THBS3: variants seen among roughly 807,000 people sequenced by gnomAD.
THBS3 encodes the protein thrombospondin 3.
A neutral mutation model predicts 118.3 loss-of-function variants in THBS3; 78 were observed. That is an observed-to-expected ratio of 0.66 (90% CI 0.55 to 0.80). The LOEUF (loss-of-function observed/expected upper bound fraction) is 0.80, where lower values mean the gene tolerates loss of function less well. THBS3 is among the 30% of genes least tolerant of loss of function. The pLI is 0.00. For missense variants in THBS3, 1,057 were observed against 1,247.4 expected (o/e 0.85, Z 2.30); for synonymous variants, 427 against 475.3 (o/e 0.90, Z 1.32).
rs1218360979 is a variant in THBS3, at chr1:155,197,937, G to A, written c.2254-9C>T. 1 of 1,614,130 alleles carries A rather than the reference G, an allele frequency of 6.2e-7. No individual in the cohort carries two copies. Among genetic ancestry groups the A allele is most frequent in the East Asian group, 2.2e-5 (1 of 44,890 alleles). On this transcript the variant is annotated splice_polypyrimidine_tract_variant and intron_variant, in intron 18 of 22. Coordinates refer to ENST00000368378, the MANE Select transcript of THBS3 (RefSeq NM_007112.5). This position sits in a 1 kb window ranked among gnomAD's most constrained non-coding sequence, Gnocchi z 5.0. ...TGAACGATTTCCATGCCCTGGGGTT[G>A]TATAGTAAAGAAAAAGCTGTGATGC... is the stretch of plus-strand genomic sequence containing the variant.
At chr1:155,208,767 C>A, upstream of THBS3, 1 of 1,448,080 alleles carries the variant, frequency 6.9e-7, no homozygotes, top group Non-Finnish European at 9.1e-7. Context: ...CGACAGGCGG[C>A]GCAGGGCCCG....
chr1:155,197,538 CAT>C lies in THBS3; in HGVS notation c.2422_2423del (p.Met808ValfsTer35). On this transcript the variant is annotated frameshift_variant, in exon 20 of 23. Coordinates refer to ENST00000368378, the MANE Select transcript of THBS3 (RefSeq NM_007112.5). LOFTEE classifies it high-confidence loss of function. This position sits in a 1 kb window ranked among gnomAD's most constrained non-coding sequence, Gnocchi z 5.0. ...AGTAGGTCTGCTCGGTCTGCTTCCA[CAT>C]GACTACGTAGAAGCGGCCACTGTCT... ...YQDSGRFYVV[M>X]WKQTEQTYWQ... is the part of the protein sequence containing the mutation. 6.2e-7 allele frequency: 1 copy of C among 1,614,106 alleles called. No individual in the cohort carries two copies. Among genetic ancestry groups the C allele is most frequent in the Non-Finnish European group, 8.5e-7 (1 of 1,180,030 alleles).
At chr1:155,198,690 C>T in intron 16 of THBS3, 88 bp from the exon 17 acceptor site, 1 of 1,377,234 alleles carries the variant, frequency 7.3e-7, no homozygotes. Flanking sequence ...CTGGAGCCTG[C>T]TCTCCATACA....
chr1:155,197,500 G>T lies in THBS3; in HGVS notation c.2462C>A (p.Pro821His). The T allele has an allele frequency of 1.2e-6, 2 of 1,614,014 alleles. No individual in the cohort carries two copies. The highest frequency in any genetic ancestry group is 4.5e-5 in the East Asian group (2 of 44,872). The change falls in exon 20 of 23, where the codon CCC (proline) becomes CAC (histidine). Residue 821 changes from proline (P) to histidine (H), a missense_variant. Physicochemically the swap from Pro to His is moderately conservative, Grantham distance 77 (BLOSUM62 -2). Around this residue, in one of 3 missense-constraint regions of THBS3, gnomAD observed 307 missense variants for 326.1 expected, o/e 0.94. Transcript: ENST00000368378. The surrounding 1 kb of genome is among the most constrained non-coding windows in gnomAD (Gnocchi z 5.0). ...QTEQTYWQAT[P>H]FRAVAQPGLQ... ...CCCGGGCTGGGCAACCGCCCGGAAGGGTGTAGCCTGCCAGTAGGTCTGCTC... is the reference window on the plus strand; with the variant it reads ...CCCGGGCTGGGCAACCGCCCGGAAGTGTGTAGCCTGCCAGTAGGTCTGCTC...
rs1670760579 is a variant in THBS3 at position 155,207,721 on chromosome 1, C to T, written c.79+77G>A. 17 of 1,484,858 alleles carry T rather than the reference C, an allele frequency of 1.1e-5. No individual in the cohort carries two copies. In the East Asian group the frequency reaches 3.6e-4, roughly 32 times the overall value. 92.0% of individuals were successfully genotyped at this position (1,484,858 alleles called of 1,614,324 possible). On this transcript the variant is annotated intron_variant, in intron 1 of 22. Coordinates refer to ENST00000368378, the MANE Select transcript of THBS3 (RefSeq NM_007112.5). ...GACTCTTCCCCTCTCCCCTTGCCCA[C>T]ATGTTCTCTGCTACTTGGGCTGAGG... is the stretch of plus-strand genomic sequence containing the variant.
Position 155,198,084 on chromosome 1 carries a change from C to T in THBS3, c.2211G>A (p.Glu737=). ...AGTTTGGGTCAATCTGAGCATCACC[C>T]TCAGGATCCAGGACGACGGTCTGAT... ...RAYQTVVLDP[E]GDAQIDPNWV... The change falls in exon 18 of 23, where the codon GAG becomes GAA. Residue 737 remains glutamate, a synonymous_variant. Coordinates refer to ENST00000368378, the MANE Select transcript of THBS3 (RefSeq NM_007112.5). 1 of 1,614,186 alleles carries T rather than the reference C, an allele frequency of 6.2e-7. No homozygotes were observed. The highest frequency in any genetic ancestry group is 8.5e-7 in the Non-Finnish European group (1 of 1,180,040).
Position 155,195,995 on chromosome 1 carries a change from C to G in THBS3, c.2804G>C (p.Arg935Pro). ...TCAATCAGCCACCTCACCATTGCAT[C>G]GATACTGGAGATTGGACCAAATTAT... The part of the protein sequence containing the change: ...ENIIWSNLQY[R>P]CNDTVPEDFE... Residue 935 changes from arginine to proline, a missense_variant, in exon 22 of 23, where the codon CGA (arginine) becomes CCA (proline). Coordinates refer to ENST00000368378, the MANE Select transcript of THBS3 (RefSeq NM_007112.5). The G allele has an allele frequency of 6.2e-7, 1 of 1,614,164 alleles. No individual in the cohort carries two copies. Among genetic ancestry groups the G allele is most frequent in the Non-Finnish European group, 8.5e-7 (1 of 1,180,030 alleles).
chr1:155,206,399 G>A lies in THBS3; in HGVS notation c.87C>T (p.Asp29=), dbSNP rs752921970. ...TSASQDLQVI[D]LLTVGESRQM... is the part of the protein sequence containing the mutation. ...GCCGAGACTCGCCCACAGTCAGCAG[G>A]TCAATTACTGGTCAGGCAGGGGTTA... is the stretch of plus-strand genomic sequence containing the variant. The change falls in exon 2 of 23, where the codon GAC becomes GAT. Residue 29 remains aspartate (D), a synonymous_variant. Transcript: ENST00000368378. This position sits in a 1 kb window ranked among gnomAD's most constrained non-coding sequence, Gnocchi z 4.2. 5 of 1,613,880 alleles carry A rather than the reference G, an allele frequency of 3.1e-6. No individual in the cohort carries two copies. The African/African-American group carries it at 5.3e-5, about 17-fold the overall frequency.
intron 14 of THBS3, 24 bp from the exon 15 acceptor site, chr1:155,200,137 G>A: frequency 6.6e-7 from 1 of 1,512,906 alleles, no homozygotes; most frequent in Non-Finnish European, 8.9e-7. Context: ...GTAGCACAAG[G>A]TTGTTACTAG....
chr1:155,207,214 C>T (rs904941948), intron 1 of THBS3, among the ~76,000 whole-genome samples: 1 of 152,232 alleles, frequency 6.6e-6, no homozygotes. Flanking sequence ...TCTAACCCTC[C>T]CACCATCTGG....
Position 155,197,661 on chromosome 1 carries a change from T to C in THBS3, c.2303-2A>G. On this transcript the variant is annotated splice_acceptor_variant, in intron 19 of 22. Transcript: ENST00000368378. LOFTEE classifies it high-confidence loss of function. This position sits in a 1 kb window ranked among gnomAD's most constrained non-coding sequence, Gnocchi z 5.0. ...CCACACCATTGAAGGCCGTGTATCCTGGGGTGGGGGTGGGATAAAGGTCAG... is the reference window on the plus strand; with the variant it reads ...CCACACCATTGAAGGCCGTGTATCCCGGGGTGGGGGTGGGATAAAGGTCAG... 1 of 576,294 alleles carries C rather than the reference T, an allele frequency of 1.7e-6. No homozygotes were observed. The highest frequency in any genetic ancestry group is 2.8e-6 in the Non-Finnish European group (1 of 354,078). 35.7% of individuals were successfully genotyped at this position (576,294 alleles called of 1,614,324 possible).
Position 155,202,005 on chromosome 1 carries a change from ATCGT to A in THBS3, c.1124_1127del (p.Asn375MetfsTer110). On this transcript the variant is annotated frameshift_variant, in exon 10 of 23. Coordinates refer to ENST00000368378, the MANE Select transcript of THBS3 (RefSeq NM_007112.5). LOFTEE classifies it high-confidence loss of function. This position sits in a 1 kb window ranked among gnomAD's most constrained non-coding sequence, Gnocchi z 5.5. The stretch of plus-strand genomic sequence containing the variant: ...TTGGGTCACAGCCACCATTGTTGCC[ATCGT>A]TGCATTCATCGATGTCATTGCAGAC... The A allele has an allele frequency of 6.2e-7, 1 of 1,614,172 alleles. No individual in the cohort carries two copies. The highest frequency in any genetic ancestry group is 8.5e-7 in the Non-Finnish European group (1 of 1,180,042).
rs373078740 is a variant in THBS3, at chr1:155,198,098, C to T, written c.2197G>A (p.Val733Ile). Residue 733 changes from valine (V) to isoleucine (I), a missense_variant, in exon 18 of 23, where the codon GTC (valine) becomes ATC (isoleucine). This residue lies in a region of THBS3 where 307 missense variants were observed against 326.1 expected (regional missense o/e 0.94). Transcript: ENST00000368378. ...LTDFRAYQTV[V>I]LDPEGDAQID... ...TGAGCATCACCCTCAGGATCCAGGA[C>T]GACGGTCTGATAGGCCCGAAAATCC... is the stretch of plus-strand genomic sequence containing the variant. 12 of 1,614,142 alleles carry T rather than the reference C, an allele frequency of 7.4e-6. No homozygotes were observed. The highest frequency in any genetic ancestry group is 5.5e-5 in the South Asian group (5 of 91,086).
chr1:155,201,908 GTTTTA>G (rs763161598), intron 10 of THBS3, 44 bp downstream of exon 10: 2 of 1,611,620 alleles, frequency 1.2e-6, no homozygotes, highest in East Asian at 4.5e-5. Flanking sequence ...GGGGGTTGGG[GTTTTA>G]CCATTCCCAC....
rs1198656118 is a variant in THBS3, at chr1:155,201,524, G to A, written c.1222C>T (p.Gln408Ter). ...CGGGCTGGGAGGCAGCCCTGGCTCTGGTTGCCCAGGAAACCCAGGCGGCAG... is the reference window on the plus strand; with the variant it reads ...CGGGCTGGGAGGCAGCCCTGGCTCTAGTTGCCCAGGAAACCCAGGCGGCAG... ...GPCRLGFLGN[Q>*]SQGCLPARTC... Residue 408 changes from glutamine (Q) to a stop codon, truncating the protein, a stop_gained, in exon 11 of 23, where the codon CAG (glutamine) becomes TAG (stop). Transcript: ENST00000368378. LOFTEE classifies it high-confidence loss of function. 1 of 1,614,160 alleles carries A rather than the reference G, an allele frequency of 6.2e-7. No homozygotes were observed. The highest frequency in any genetic ancestry group is 1.7e-5 in the Admixed American group (1 of 60,030).
upstream of THBS3, chr1:155,209,159 G>T (rs772881234): frequency 1.8e-5 from 27 of 1,503,290 alleles, no homozygotes; most frequent in Admixed American, 4.7e-5. Flanking sequence ...CCCCCTGACC[G>T]CAACGATCGG....
Position 155,200,921 on chromosome 1 carries a change from A to T in THBS3, c.1524T>A (p.Asp508Glu). Residue 508 changes from aspartate to glutamate, a missense_variant, in exon 13 of 23, where the codon GAT becomes GAA. Coordinates refer to ENST00000368378, the MANE Select transcript of THBS3 (RefSeq NM_007112.5). ...CCTCAACATTCTTGATCCCATCCCC[A>T]TCAGCATCATCATCACACTGGTCCC... is the stretch of plus-strand genomic sequence containing the variant. ...GVGDQCDDDADGDGIKNVEDN... is the reference protein window; with the variant it reads ...GVGDQCDDDAEGDGIKNVEDN... 6.2e-7 allele frequency: 1 copy of T among 1,614,100 alleles called. No homozygotes were observed. The highest frequency in any genetic ancestry group is 8.5e-7 in the Non-Finnish European group (1 of 1,180,016).
At chr1:155,208,133 C>T (rs1021385299), upstream of THBS3, among the ~76,000 whole-genome samples, 19 of 152,206 alleles carry the variant, frequency 1.2e-4, no homozygotes, top group Non-Finnish European at 2.8e-4. Context: ...AGGTGCCTCC[C>T]TCTCCGCAGT....
chr1:155,207,938 G>A, upstream of THBS3: 3 of 1,473,686 alleles, frequency 2.0e-6, no homozygotes, highest in Non-Finnish European at 2.8e-6. Flanking sequence ...AGGCTAGGCG[G>A]AGAGAGCAGG....
Sources: gnomAD v4.1 joint callset for allele counts (sites outside exome capture counted in the v4.1 genomes callset) on GRCh38, gnomAD v4.1.1 for gene constraint, gnomAD v4.1.1 regional missense constraint, Gnocchi (gnomAD v3.1) non-coding constraint, MANE v1.5 for transcripts, NCBI Gene and HGNC (gene_info 2026-07-23, HGNC 2026-07-21) for gene names.